Variants in SUGP2 observed in about 807,000 individuals in gnomAD.
The protein encoded by SUGP2 is SURP and G-patch domain-containing protein 2.
In SUGP2, 24 loss-of-function variants were observed where a neutral mutation model predicts 90.5. The ratio of observed to expected loss-of-function variants is 0.27; its 90% CI spans 0.19 to 0.37. The LOEUF (loss-of-function observed/expected upper bound fraction) is 0.37, where lower values mean the gene tolerates loss of function less well. Among genes scored for constraint, SUGP2 ranks in the 10% least tolerant of loss-of-function variants. SUGP2 has a pLI of 1.00. For missense variants in SUGP2, 1,233 were observed against 1,363.3 expected (o/e 0.90, Z 1.51); for synonymous variants, 473 against 513.4 (o/e 0.92, Z 1.06).
intron 2 of SUGP2, among the ~76,000 whole-genome samples, chr19:19,026,526 C>A (rs1336259952): frequency 6.6e-6 from 1 of 152,194 alleles, no homozygotes; most frequent in African/African-American, 2.4e-5. Flanking sequence ...CACAGACTCT[C>A]TAAGTTGGCA....
chr19:19,027,926 G>A (rs778154241), intron 2 of SUGP2, among the ~76,000 whole-genome samples: 17 of 152,170 alleles, frequency 1.1e-4, no homozygotes, highest in Non-Finnish European at 2.1e-4. Flanking sequence ...GTGAGCCACC[G>A]TGTCACGCTG....
intron 4 of SUGP2, among the ~76,000 whole-genome samples, chr19:19,016,406 C>A (rs1220821881): frequency 6.6e-6 from 1 of 152,116 alleles, no homozygotes; most frequent in Non-Finnish European, 1.5e-5. Context: ...GGTCATGAGA[C>A]CACTGGGCCA....
chr19:18,999,382 T>C (rs1197054749), intron 8 of SUGP2, among the ~76,000 whole-genome samples: 1 of 152,130 alleles, frequency 6.6e-6, no homozygotes, highest in Admixed American at 6.5e-5. Context: ...TCCTACCTGC[T>C]GGGTAAGTGT....
Position 19,001,165 on chromosome 19 carries a change from G to A in SUGP2, c.2991+448C>T, listed in dbSNP as rs571332274. 2.3e-3 allele frequency among the ~76,000 whole-genome samples: 351 copies of A among 152,102 alleles called. 9 individuals carry two copies. Among genetic ancestry groups the A allele is most frequent in the Non-Finnish European group, 5.0e-4 (34 of 67,976 alleles). On this transcript the variant is annotated intron_variant, in intron 8 of 10. Coordinates refer to ENST00000452918, the MANE Select transcript of SUGP2 (RefSeq NM_001017392.5). The stretch of plus-strand genomic sequence containing the variant: ...TGAGTGGCTGGGACTACAGGCGCCT[G>A]CCACCATGCCCGGCTAATTTTTTGT...
rs559120003 is a variant in SUGP2, at chr19:19,024,683, C to T, written c.1665G>A (p.Glu555=). The T allele has an allele frequency of 1.9e-6, 3 of 1,614,188 alleles. No homozygotes were observed. The highest frequency in any genetic ancestry group is 2.2e-5 in the South Asian group (2 of 91,082). Reference sequence around the variant, plus strand: ...GTTTCGTAGGAGGAATCATTTTCTCCTCCTCTCGCATCGGCTCTGGTTCGG... The same window carrying T: ...GTTTCGTAGGAGGAATCATTTTCTCTTCCTCTCGCATCGGCTCTGGTTCGG... ...KKAEPEPMRE[E]EKMIPPTKPE... is the part of the protein sequence containing the mutation. Residue 555 remains glutamate (E), a synonymous_variant, in exon 3 of 11, where the codon GAG becomes GAA. Transcript: ENST00000452918.
chr19:18,994,883 G>A (rs976359240), intron 9 of SUGP2: 2 of 579,842 alleles, frequency 3.4e-6, no homozygotes, highest in Admixed American at 3.1e-5. Flanking sequence ...ATACCACTTA[G>A]CTTTTATGAT....
In SUGP2 at chr19:19,014,245, G is replaced by A. The variant is rs1042098400; in HGVS notation, c.1851-3903C>T. Reference sequence around the variant, plus strand: ...TGACCTCATGCGGCCCACTCGCCTCGGCTTCCCAAAGTGGTGGGATTACAG... The same window carrying A: ...TGACCTCATGCGGCCCACTCGCCTCAGCTTCCCAAAGTGGTGGGATTACAG... On this transcript the variant is annotated intron_variant, in intron 4 of 10. Coordinates refer to ENST00000452918, the MANE Select transcript of SUGP2 (RefSeq NM_001017392.5). 7.2e-5 allele frequency among the ~76,000 whole-genome samples: 11 copies of A among 152,102 alleles called. No individual in the cohort carries two copies. The South Asian group carries it at 1.0e-3, about 14-fold the overall frequency.
upstream of SUGP2, chr19:19,033,641 T>C: frequency 1.9e-6 from 2 of 1,046,540 alleles, no homozygotes; most frequent in Non-Finnish European, 2.4e-6. Flanking sequence ...TGTCCGCTTC[T>C]TCTGGGCGGA....
At chr19:19,019,723 G>A (rs1342550646) in intron 3 of SUGP2, among the ~76,000 whole-genome samples, 1 of 150,600 alleles carries the variant, frequency 6.6e-6, no homozygotes, top group Non-Finnish European at 1.5e-5. Context: ...AGGTTATAGG[G>A]GGTAGAATTA....
Position 19,024,842 on chromosome 19 carries a change from G to A in SUGP2, c.1506C>T (p.Val502=), listed in dbSNP as rs375443562. 7.9e-5 allele frequency: 128 copies of A among 1,614,048 alleles called. No homozygotes were observed. The highest frequency in any genetic ancestry group is 1.0e-4 in the Non-Finnish European group (118 of 1,180,050). ...SFRQEKILEA[V]GLQDIAPSPA... is the part of the protein sequence containing the mutation. ...GTGAGGGAGCTATATCTTGCAGGCCGACAGCTTCTAAGATTTTCTCCTGCC... is the reference window on the plus strand; with the variant it reads ...GTGAGGGAGCTATATCTTGCAGGCCAACAGCTTCTAAGATTTTCTCCTGCC... The change falls in exon 3 of 11, where the codon GTC becomes GTT. Residue 502 remains valine, a synonymous_variant. Transcript: ENST00000452918.
intron 8 of SUGP2, among the ~76,000 whole-genome samples, chr19:18,998,394 C>T (rs937288939): frequency 8.5e-5 from 13 of 152,214 alleles, no homozygotes; most frequent in Admixed American, 7.2e-4. Flanking sequence ...TCAAGTGATC[C>T]CCCTGCCTTG....
At chr19:19,032,431 T>C (rs577921231) in intron 1 of SUGP2, among the ~76,000 whole-genome samples, 7 of 152,330 alleles carry the variant, frequency 4.6e-5, no homozygotes, top group African/African-American at 1.7e-4. Context: ...AGTGCTGGGA[T>C]TCCAGGCCGT....
Position 18,991,404 on chromosome 19 carries a change from T to C in SUGP2, c.*2337A>G, listed in dbSNP as rs1219952591. 1 of 152,216 alleles carries C rather than the reference T, an allele frequency of 6.6e-6. No homozygotes were observed. Among genetic ancestry groups the C allele is most frequent in the Non-Finnish European group, 1.5e-5 (1 of 68,066 alleles). The allele number at this position is 152,216 out of a possible 1,614,324, so 9.4% of individuals were successfully genotyped here. ...CTGAATCCACAGGAGAGGTGTCCTC[T>C]GAGAGTGTAGGGGGCTTTCTAGGTT... On this transcript the variant is annotated 3_prime_UTR_variant, in exon 11 of 11. Transcript: ENST00000452918.
intron 7 of SUGP2, 75 bp downstream of exon 7, chr19:19,004,093 T>TGTCTCTTCTAA (rs2057958751): frequency 9.5e-6 from 11 of 1,152,690 alleles, no homozygotes; most frequent in Non-Finnish European, 1.2e-5. Context: ...TGTCTCCACC[T>TGTCTCTTCTAA]GTCTCTTCTA....
chr19:19,005,886 CA>C (rs756123446), intron 6 of SUGP2, among the ~76,000 whole-genome samples: 2,212 of 15,606 alleles, frequency 0.14, 37 homozygotes, highest in African/African-American at 0.34. Context: ...CACACACACA[CA>C]CACACCACAC....
chr19:19,021,159 C>CAAAAAAAAAAAAAAA (rs386388689), intron 3 of SUGP2, among the ~76,000 whole-genome samples: 1 of 66,964 alleles, frequency 1.5e-5, no homozygotes, highest in African/African-American at 6.2e-5. Context: ...AATTCCATCT[C>CAAAAAAAAAAAAAAA]AAAAAAAAAA....
intron 8 of SUGP2, among the ~76,000 whole-genome samples, chr19:18,999,600 T>G (rs2057750557): frequency 6.6e-6 from 1 of 152,186 alleles, no homozygotes; most frequent in Non-Finnish European, 1.5e-5. Context: ...GTAAGGACTA[T>G]GAGCTCTGGA....
chr19:19,004,247 C>T lies in SUGP2; in HGVS notation c.2850G>A (p.Arg950=), dbSNP rs763210340. The change falls in exon 7 of 11, where the codon CGG becomes CGA. Residue 950 remains arginine (R), a synonymous_variant. Transcript: ENST00000452918. ...SQASSGTCFP[R]KRISSKSLKV... ...TCAATGACTTGCTGCTGATCCTCTT[C>T]CGAGGGAAGCAGGTACCTGAGGAGG... 4.3e-6 allele frequency: 7 copies of T among 1,612,146 alleles called. No individual in the cohort carries two copies. In the African/African-American group the frequency reaches 9.3e-5, roughly 22 times the overall value.
chr19:19,010,915 G>A (rs1348692493), intron 4 of SUGP2, among the ~76,000 whole-genome samples: 1 of 152,006 alleles, frequency 6.6e-6, no homozygotes, highest in African/African-American at 2.4e-5. Flanking sequence ...TGAGGCGGGA[G>A]GATTGCTTGA....
Sources: gnomAD v4.1 joint callset for allele counts (sites outside exome capture counted in the v4.1 genomes callset) on GRCh38, gnomAD v4.1.1 for gene constraint, MANE v1.5 for transcripts, NCBI Gene and HGNC (gene_info 2026-07-23, HGNC 2026-07-21) for gene names.